Variants in AKAP7 observed in about 807,000 individuals in gnomAD.
AKAP7 encodes the protein A-kinase anchoring protein 7.
AKAP7 carries 39 observed loss-of-function variants against 39.5 expected under a neutral mutation model. The ratio of observed to expected loss-of-function variants is 0.99; its 90% CI spans 0.76 to 1.29. The LOEUF is 1.29. AKAP7 is among the 50% of genes most tolerant of loss of function. The pLI, the probability that AKAP7 is intolerant of heterozygous loss-of-function variation, is 0.00. For missense variants in AKAP7, 414 were observed against 407.7 expected, an observed-to-expected ratio of 1.02 and a Z score of -0.13; for synonymous variants, 140 against 139.1, an observed-to-expected ratio of 1.01 and a Z score of -0.05.
chr6:131,140,359 A>G (rs1449672146), intron 1 of AKAP7, among the ~76,000 whole-genome samples: 1 of 152,182 alleles, frequency 6.6e-6, no homozygotes, highest in Non-Finnish European at 1.5e-5. Context: ...TATAGCCAGA[A>G]TGAAGTCCAT....
At chr6:131,149,778 ATGT>A (rs765392632) in intron 2 of AKAP7, among the ~76,000 whole-genome samples, 1 of 152,186 alleles carries the variant, frequency 6.6e-6, no homozygotes, top group Non-Finnish European at 1.5e-5. Context: ...TACAAGGGAA[ATGT>A]TGTGGGTCAG....
chr6:131,173,866 G>A (rs1334795604), intron 5 of AKAP7, among the ~76,000 whole-genome samples: 1 of 152,084 alleles, frequency 6.6e-6, no homozygotes, highest in African/African-American at 2.4e-5. Context: ...AATTCACTGG[G>A]TGCTTGCAAC....
At chr6:131,280,426 C>T (rs1273933448) in intron 7 of AKAP7, among the ~76,000 whole-genome samples, 1 of 152,164 alleles carries the variant, frequency 6.6e-6, no homozygotes, top group Admixed American at 6.5e-5. Flanking sequence ...CCTTGGCATA[C>T]CTGCTTCTGT....
At chr6:131,274,615 G>A (rs951628448) in intron 7 of AKAP7, among the ~76,000 whole-genome samples, 1 of 152,108 alleles carries the variant, frequency 6.6e-6, no homozygotes, top group East Asian at 1.9e-4. Context: ...TGGGACTACA[G>A]GTGCATGCCA....
At chr6:131,161,247 G>C (rs188603579) in intron 3 of AKAP7, among the ~76,000 whole-genome samples, 3 of 152,226 alleles carry the variant, frequency 2.0e-5, no homozygotes, top group Admixed American at 2.0e-4. Flanking sequence ...AACAAGAGAA[G>C]AGTTACCTAG....
At chr6:131,128,912 CTG>C in the AKAP7 span, among the ~76,000 whole-genome samples, 4 of 149,876 alleles carry the variant, frequency 2.7e-5, no homozygotes, top group African/African-American at 7.4e-5. Flanking sequence ...CACAGAAAAA[CTG>C]AGATGAATTT....
At chr6:131,164,385 C>T (rs1043866598) in intron 3 of AKAP7, 1 of 455,406 alleles carries the variant, frequency 2.2e-6, no homozygotes, top group Admixed American at 2.4e-5. Context: ...CATCATTCCT[C>T]TCCCTGTTTC....
At chr6:131,179,165 TC>T (rs1462686477) in intron 5 of AKAP7, among the ~76,000 whole-genome samples, 2 of 116,780 alleles carry the variant, frequency 1.7e-5, no homozygotes, top group Non-Finnish European at 3.7e-5. Flanking sequence ...TATTGTCTAT[TC>T]GGTTTTTTTT....
At position 131,282,918 on chromosome 6, in the gene AKAP7, C is replaced by T. The variant is rs1349632899; in HGVS notation, c.*1192C>T. On this transcript the variant is annotated 3_prime_UTR_variant, in exon 8 of 8. Transcript: ENST00000431975. ...ATACAGACTGTGAACAAATCATTCACAAACAGAATAAAACAGAGCCAACAA... is the reference window on the plus strand; with the variant it reads ...ATACAGACTGTGAACAAATCATTCATAAACAGAATAAAACAGAGCCAACAA... 4.5e-6 allele frequency: 1 copy of T among 222,782 alleles called. No individual in the cohort carries two copies. Among genetic ancestry groups the T allele is most frequent in the African/African-American group, 2.3e-5 (1 of 43,852 alleles). The allele number at this position is 222,782 out of a possible 1,614,324, so 13.8% of individuals were successfully genotyped here.
At chr6:131,229,776 C>A (rs533938233) in intron 7 of AKAP7, among the ~76,000 whole-genome samples, 1 of 152,124 alleles carries the variant, frequency 6.6e-6, no homozygotes, top group Non-Finnish European at 1.5e-5. Context: ...CCTGTGAAAC[C>A]GCTATTGCCT....
At chr6:131,275,565 A>G (rs1814677725) in intron 7 of AKAP7, among the ~76,000 whole-genome samples, 1 of 152,204 alleles carries the variant, frequency 6.6e-6, no homozygotes, top group Admixed American at 6.5e-5. Flanking sequence ...ACTGACAGAG[A>G]AAAGTCTCTA....
chr6:131,271,435 ACT>A (rs1486116242), intron 7 of AKAP7, among the ~76,000 whole-genome samples: 2 of 152,030 alleles, frequency 1.3e-5, no homozygotes, highest in Non-Finnish European at 2.9e-5. Context: ...CCAATACCAC[ACT>A]GTCTCTCTTT....
chr6:131,187,702 A>G (rs1806006606), intron 5 of AKAP7, among the ~76,000 whole-genome samples: 1 of 152,208 alleles, frequency 6.6e-6, no homozygotes, highest in South Asian at 2.1e-4. Flanking sequence ...ATTTTAATAC[A>G]TAAAGCAATG....
intron 7 of AKAP7, among the ~76,000 whole-genome samples, chr6:131,262,893 G>C (rs912016237): frequency 2.0e-5 from 3 of 152,234 alleles, no homozygotes; most frequent in African/African-American, 7.2e-5. Flanking sequence ...TAGCAAATTA[G>C]ATTGGAGTTA....
intron 2 of AKAP7, among the ~76,000 whole-genome samples, chr6:131,148,705 T>C: frequency 6.6e-6 from 1 of 152,212 alleles, no homozygotes; most frequent in Non-Finnish European, 1.5e-5. Flanking sequence ...CTAGTTTTTC[T>C]GAAGTGAGAT....
Position 131,165,102 on chromosome 6 carries a change from C to A in AKAP7, c.313C>A (p.Leu105Met). Residue 105 changes from leucine to methionine, a missense_variant, in exon 4 of 8, where the codon CTG (leucine) becomes ATG (methionine). Physicochemically the swap from Leu to Met is conservative, Grantham distance 15. Coordinates refer to ENST00000431975, the MANE Select transcript of AKAP7 (RefSeq NM_016377.4). Reference sequence around the variant, plus strand: ...TTAGATTATAAAAGGAATTAAGATCCTGCAGAATGCAATAATACAACAAGA... The same window carrying A: ...TTAGATTATAAAAGGAATTAAGATCATGCAGAATGCAATAATACAACAAGA... Reference protein sequence around the residue: ...NKEIIKGIKILQNAIIQQDER... With the variant: ...NKEIIKGIKIMQNAIIQQDER... The A allele has an allele frequency of 6.2e-7, 1 of 1,609,678 alleles. No individual in the cohort carries two copies. The highest frequency in any genetic ancestry group is 1.7e-5 in the Admixed American group (1 of 59,414).
At chr6:131,204,718 C>T (rs945373968) in intron 6 of AKAP7, among the ~76,000 whole-genome samples, 8 of 152,152 alleles carry the variant, frequency 5.3e-5, no homozygotes, top group Non-Finnish European at 8.8e-5. Context: ...TTAGGTGCCC[C>T]ATGACAATGC....
intron 7 of AKAP7, among the ~76,000 whole-genome samples, chr6:131,244,022 G>C (rs2128314761): frequency 6.7e-6 from 1 of 149,364 alleles, no homozygotes; most frequent in East Asian, 2.0e-4. Flanking sequence ...TCCAAATAAG[G>C]TTTTAACATC....
At chr6:131,263,183 A>G (rs1029289046) in intron 7 of AKAP7, among the ~76,000 whole-genome samples, 2 of 152,244 alleles carry the variant, frequency 1.3e-5, no homozygotes, top group African/African-American at 4.8e-5. Flanking sequence ...TGGCTCACCT[A>G]TGCAAACAAC....
Sources: allele counts gnomAD v4.1 joint callset (sites outside exome capture counted in the v4.1 genomes callset), GRCh38; gene constraint gnomAD v4.1.1; transcripts MANE v1.5; gene names NCBI Gene and HGNC (gene_info 2026-07-23, HGNC 2026-07-21).